The following MAGI1 variants were observed in gnomAD, a reference collection of about 807,000 sequenced individuals.
MAGI1 encodes the protein membrane associated guanylate kinase, WW and PDZ domain containing 1.
MAGI1 carries 58 observed loss-of-function variants against 139.9 expected under a neutral mutation model. That is an observed-to-expected ratio of 0.41 (90% CI 0.34 to 0.52). MAGI1 has a LOEUF of 0.52. Among genes scored for constraint, MAGI1 ranks in the 20% least tolerant of loss-of-function variants. MAGI1 has a pLI of 0.12. For missense variants in MAGI1, 1,874 were observed against 1,901.6 expected, an observed-to-expected ratio of 0.99 and a Z score of 0.27; for synonymous variants, 812 against 737.9, an observed-to-expected ratio of 1.10 and a Z score of -1.63.
intron 1 of MAGI1, among the ~76,000 whole-genome samples, chr3:65,938,898 A>G (rs1052464401): frequency 6.6e-6 from 1 of 152,184 alleles, no homozygotes; most frequent in African/African-American, 2.4e-5. Flanking sequence ...AGGGCAGTGC[A>G]TATTTTTTTA....
chr3:65,680,882 T>A (rs2087548174), intron 1 of MAGI1, among the ~76,000 whole-genome samples: 1 of 152,150 alleles, frequency 6.6e-6, no homozygotes, highest in Non-Finnish European at 1.5e-5. Context: ...CCCAGGCAAG[T>A]CGAGAAAATA....
At chr3:65,759,646 T>C (rs17073702) in intron 1 of MAGI1, among the ~76,000 whole-genome samples, 2,589 of 152,332 alleles carry the variant, frequency 0.017, 67 homozygotes, top group African/African-American at 0.059. Flanking sequence ...AACAGAAGTC[T>C]TGAACATTTA....
At chr3:65,898,034 T>C (rs72905038) in intron 1 of MAGI1, among the ~76,000 whole-genome samples, 46 of 152,282 alleles carry the variant, frequency 3.0e-4, no homozygotes, top group African/African-American at 1.1e-3. Context: ...TCCAAATATT[T>C]AACTCAAGAT....
At chr3:65,418,104 A>G (rs1268615557) in intron 12 of MAGI1, among the ~76,000 whole-genome samples, 3 of 152,178 alleles carry the variant, frequency 2.0e-5, no homozygotes, top group South Asian at 2.1e-4. Flanking sequence ...CCCGCAACAG[A>G]TAACTGTCTG....
intron 1 of MAGI1, among the ~76,000 whole-genome samples, chr3:65,776,505 A>C (rs2038446544): frequency 6.6e-6 from 1 of 152,212 alleles, no homozygotes; most frequent in Non-Finnish European, 1.5e-5. Flanking sequence ...ATTGGACATC[A>C]GTTTTGTACA....
chr3:65,965,961 T>G (rs890453489), intron 1 of MAGI1, among the ~76,000 whole-genome samples: 1 of 152,284 alleles, frequency 6.6e-6, no homozygotes, highest in South Asian at 2.1e-4. Flanking sequence ...CCAGTCACCC[T>G]CCTCTTTATA....
At chr3:65,462,235 G>C (rs966650520) in intron 5 of MAGI1, among the ~76,000 whole-genome samples, 6 of 152,198 alleles carry the variant, frequency 3.9e-5, no homozygotes, top group East Asian at 3.9e-4. Flanking sequence ...TTTCTTCTAG[G>C]GTTTTTATGG....
chr3:65,528,779 C>T (rs540246944), intron 2 of MAGI1, among the ~76,000 whole-genome samples: 8 of 152,302 alleles, frequency 5.3e-5, no homozygotes, highest in Non-Finnish European at 1.2e-4. Flanking sequence ...GGCGTAGTGG[C>T]TCACACCTGG....
At chr3:65,791,061 C>T (rs147193890) in intron 1 of MAGI1, among the ~76,000 whole-genome samples, 1 of 152,046 alleles carries the variant, frequency 6.6e-6, no homozygotes, top group Non-Finnish European at 1.5e-5. Flanking sequence ...GGCAACAAAG[C>T]AAGACTCCTC....
chr3:65,799,476 C>G (rs934225005), intron 1 of MAGI1, among the ~76,000 whole-genome samples: 1 of 152,164 alleles, frequency 6.6e-6, no homozygotes, highest in African/African-American at 2.4e-5. Flanking sequence ...ACTGGAGAGT[C>G]TCTATCTGCT....
Position 65,458,332 on chromosome 3 carries a change from T to C in MAGI1, c.960-4992A>G, listed in dbSNP as rs549133904. The stretch of plus-strand genomic sequence containing the variant: ...GTACATACCTAGCTGGATCATGTGA[T>C]AGCTCTATTTTTAGTTTTTCTGTTT... On this transcript the variant is annotated intron_variant, in intron 5 of 22. Coordinates refer to ENST00000402939, the MANE Select transcript of MAGI1 (RefSeq NM_001033057.2). Among the ~76,000 whole-genome samples, 4 of 151,990 alleles carry C rather than the reference T, an allele frequency of 2.6e-5. No individual in the cohort carries two copies. The South Asian group carries it at 6.2e-4, about 24-fold the overall frequency.
chr3:65,499,601 C>T (rs1049884585), intron 2 of MAGI1, among the ~76,000 whole-genome samples: 17 of 150,994 alleles, frequency 1.1e-4, no homozygotes, highest in South Asian at 2.1e-4. Context: ...CCAGCCTGGG[C>T]GACAGACTGA....
At chr3:65,637,259 A>T (rs1331868319) in intron 1 of MAGI1, among the ~76,000 whole-genome samples, 1 of 152,140 alleles carries the variant, frequency 6.6e-6, no homozygotes, top group East Asian at 1.9e-4. Flanking sequence ...TATTAGAAAA[A>T]AAAATATTGC....
chr3:65,977,387 C>A (rs1384010558), intron 1 of MAGI1, among the ~76,000 whole-genome samples: 1 of 152,104 alleles, frequency 6.6e-6, no homozygotes, highest in Non-Finnish European at 1.5e-5. Flanking sequence ...ATCACGCCAC[C>A]GCTCAGCTGG....
At chr3:65,618,807 A>C (rs1431622976) in intron 2 of MAGI1, among the ~76,000 whole-genome samples, 1 of 151,990 alleles carries the variant, frequency 6.6e-6, no homozygotes, top group East Asian at 1.9e-4. Context: ...TACTATTTCC[A>C]TTTTACTGAA....
intron 4 of MAGI1, among the ~76,000 whole-genome samples, chr3:65,473,201 C>T (rs987583657): frequency 1.3e-5 from 2 of 152,148 alleles, no homozygotes; most frequent in African/African-American, 4.8e-5. Flanking sequence ...CAGGCCAGAC[C>T]TGTCCCCCAG....
intron 22 of MAGI1, chr3:65,359,564 T>C (rs1940582980): frequency 2.1e-6 from 2 of 943,424 alleles, no homozygotes; most frequent in Admixed American, 5.8e-5. Context: ...AAAAAACTCA[T>C]TACAAAAATA....
chr3:65,653,906 C>T (rs2085722863), intron 1 of MAGI1, among the ~76,000 whole-genome samples: 1 of 152,134 alleles, frequency 6.6e-6, no homozygotes, highest in African/African-American at 2.4e-5. Context: ...AATATGCATA[C>T]ACATAGGCGT....
At chr3:65,707,731 A>G (rs2030611420) in intron 1 of MAGI1, among the ~76,000 whole-genome samples, 1 of 150,876 alleles carries the variant, frequency 6.6e-6, no homozygotes, top group African/African-American at 2.4e-5. Flanking sequence ...GAATCCCTGG[A>G]GAAAAGATAA....
Sources: gnomAD v4.1 joint callset for allele counts (sites outside exome capture counted in the v4.1 genomes callset) on GRCh38, gnomAD v4.1.1 for gene constraint, MANE v1.5 for transcripts, NCBI Gene and HGNC (gene_info 2026-07-23, HGNC 2026-07-21) for gene names.